Variants in CRPPA observed in about 807,000 individuals in gnomAD.
CRPPA encodes D-ribitol-5-phosphate cytidylyltransferase.
CRPPA carries 43 observed loss-of-function variants against 52.0 expected under a neutral mutation model. The observed-to-expected ratio is 0.83, with a 90% CI of 0.65 to 1.07. The LOEUF is 1.07. Among genes scored for constraint, CRPPA ranks in the 50% least tolerant of loss-of-function variants. The probability of loss-of-function intolerance (pLI) is 0.00; values close to 1 mark genes in which losing one functional copy is unlikely to be tolerated. For missense variants in CRPPA, 629 were observed against 551.7 expected (o/e 1.14, Z -1.40); for synonymous variants, 250 against 203.5 (o/e 1.23, Z -1.94).
chr7:16,179,419 G>T (rs1284288470), intron 9 of CRPPA, among the ~76,000 whole-genome samples: 1 of 151,874 alleles, frequency 6.6e-6, no homozygotes, highest in Non-Finnish European at 1.5e-5. Flanking sequence ...GAAATGAGAA[G>T]GTTATCCTGG....
intron 9 of CRPPA, among the ~76,000 whole-genome samples, chr7:16,183,942 GT>G (rs975455572): frequency 7.2e-5 from 11 of 151,914 alleles, no homozygotes; most frequent in Non-Finnish European, 1.3e-4. Context: ...GTCTTGGGTA[GT>G]TTTTTTGTTT....
At chr7:16,284,781 T>C (rs77492135) in intron 5 of CRPPA, among the ~76,000 whole-genome samples, 2,901 of 152,186 alleles carry the variant, frequency 0.019, 41 homozygotes, top group Non-Finnish European at 0.026. Context: ...TACTGATAAT[T>C]TGAAAAGCAT....
At chr7:16,207,845 T>A (rs944846482) in intron 9 of CRPPA, among the ~76,000 whole-genome samples, 1 of 152,194 alleles carries the variant, frequency 6.6e-6, no homozygotes, top group African/African-American at 2.4e-5. Context: ...TTATAGGAAA[T>A]CAGATCAATA....
intron 9 of CRPPA, among the ~76,000 whole-genome samples, chr7:16,156,376 G>A (rs1384994078): frequency 6.6e-6 from 1 of 152,170 alleles, no homozygotes. Context: ...CTGTGCCAAA[G>A]GGTTAACGTC....
chr7:16,397,208 G>A (rs1283705837), intron 2 of CRPPA, among the ~76,000 whole-genome samples: 2 of 152,226 alleles, frequency 1.3e-5, no homozygotes, highest in African/African-American at 2.4e-5. Flanking sequence ...CGTGTGACAC[G>A]ACTGACACGT....
intron 3 of CRPPA, among the ~76,000 whole-genome samples, chr7:16,335,998 G>C (rs1405461607): frequency 6.6e-6 from 1 of 152,078 alleles, no homozygotes; most frequent in Non-Finnish European, 1.5e-5. Context: ...TGTCAAACAA[G>C]AATACTTTGC....
chr7:16,153,372 A>G (rs1337959186), intron 9 of CRPPA, among the ~76,000 whole-genome samples: 7 of 152,074 alleles, frequency 4.6e-5, no homozygotes, highest in South Asian at 4.1e-4. Context: ...TCACATTTCT[A>G]AAAGTTTTTT....
At chr7:16,318,402 C>A (rs1785192298) in intron 3 of CRPPA, among the ~76,000 whole-genome samples, 1 of 152,136 alleles carries the variant, frequency 6.6e-6, no homozygotes, top group Non-Finnish European at 1.5e-5. Flanking sequence ...GAAAAAAAGT[C>A]CAACCCACTC....
At chr7:16,375,374 CA>C (rs1376400924) in intron 3 of CRPPA, among the ~76,000 whole-genome samples, 1 of 152,168 alleles carries the variant, frequency 6.6e-6, no homozygotes, top group East Asian at 1.9e-4. Context: ...ACTATTTACT[CA>C]ATGTGCAAAC....
intron 1 of CRPPA, among the ~76,000 whole-genome samples, chr7:16,420,629 T>C (rs1449458199): frequency 1.3e-5 from 2 of 152,066 alleles, no homozygotes; most frequent in African/African-American, 2.4e-5. Context: ...GCTCAGTAAA[T>C]GAATGAAAAA....
intron 9 of CRPPA, among the ~76,000 whole-genome samples, chr7:16,145,340 C>T (rs1054650844): frequency 6.6e-6 from 1 of 152,180 alleles, no homozygotes; most frequent in African/African-American, 2.4e-5. Context: ...AGAAACAGTC[C>T]TACCAGGTTA....
chr7:16,186,938 T>C (rs1781516054), intron 9 of CRPPA, among the ~76,000 whole-genome samples: 1 of 152,290 alleles, frequency 6.6e-6, no homozygotes, highest in Admixed American at 6.5e-5. Context: ...TCAGACAAGA[T>C]CTAAGATTAA....
At chr7:16,204,342 G>A (rs956817342) in intron 9 of CRPPA, among the ~76,000 whole-genome samples, 1 of 152,050 alleles carries the variant, frequency 6.6e-6, no homozygotes, top group African/African-American at 2.4e-5. Context: ...GAGTAGGACT[G>A]GAGGCCATCA....
chr7:16,113,374 T>A (rs1376573749), intron 9 of CRPPA, among the ~76,000 whole-genome samples: 1 of 151,914 alleles, frequency 6.6e-6, no homozygotes, highest in Non-Finnish European at 1.5e-5. Context: ...CAGAATCCCA[T>A]AAAGGGAGAA....
At chr7:16,380,428 C>T (rs1787048858) in intron 2 of CRPPA, among the ~76,000 whole-genome samples, 1 of 152,114 alleles carries the variant, frequency 6.6e-6, no homozygotes, top group Admixed American at 6.5e-5. Flanking sequence ...CAATGTTCAT[C>T]AAGGATATTG....
intron 3 of CRPPA, among the ~76,000 whole-genome samples, chr7:16,317,807 T>C (rs1056633120): frequency 3.3e-5 from 5 of 152,204 alleles, no homozygotes; most frequent in Non-Finnish European, 5.9e-5. Context: ...TTCAATTGTT[T>C]GAGGAACCTC....
At position 16,089,377 on chromosome 7, in the gene CRPPA, T is replaced by TAC. The variant is rs1562496594; in HGVS notation, c.*2317_*2318insGT. 20 of 232,774 alleles carry TAC rather than the reference T, an allele frequency of 8.6e-5. No homozygotes were observed. In the East Asian group the frequency reaches 1.8e-3, roughly 21 times the overall value. 14.4% of individuals were successfully genotyped at this position (232,774 alleles called of 1,614,324 possible). Reference sequence around the variant, plus strand: ...ATACATACATACATGCATGTACATATATACGTATATATGTATGTACATAAT... The same window carrying TAC: ...ATACATACATACATGCATGTACATATACATACGTATATATGTATGTACATAAT... On this transcript the variant is annotated 3_prime_UTR_variant, in exon 10 of 10. Transcript: ENST00000407010.
chr7:16,189,712 A>T (rs1781570295), intron 9 of CRPPA, among the ~76,000 whole-genome samples: 1 of 152,182 alleles, frequency 6.6e-6, no homozygotes, highest in Admixed American at 6.6e-5. Context: ...GTGAATGTGT[A>T]TTTAGTTAGT....
At chr7:16,343,937 G>A (rs1785936826) in intron 3 of CRPPA, among the ~76,000 whole-genome samples, 1 of 152,186 alleles carries the variant, frequency 6.6e-6, no homozygotes, top group Non-Finnish European at 1.5e-5. Context: ...ATATGGGACA[G>A]TTATTAGTTC....
Sources: gnomAD v4.1 joint callset for allele counts (sites outside exome capture counted in the v4.1 genomes callset) on GRCh38, gnomAD v4.1.1 for gene constraint, MANE v1.5 for transcripts, NCBI Gene and HGNC (gene_info 2026-07-23, HGNC 2026-07-21) for gene names.